Variants in TMEM272 observed in about 807,000 individuals in gnomAD.
TMEM272 encodes transmembrane protein 272, also known as long intergenic non-protein coding RNA 282.
TMEM272 carries 8 observed loss-of-function variants against 3.7 expected under a neutral mutation model. The ratio of observed to expected loss-of-function variants is 2.17; its 90% CI spans 1.27 to 3.91. The LOEUF (loss-of-function observed/expected upper bound fraction) is 3.91. TMEM272 is among the 30% of genes most tolerant of loss of function. The pLI, the probability that TMEM272 is intolerant of heterozygous loss-of-function variation, is 0.00. For missense variants in TMEM272, 166 were observed against 91.5 expected (o/e 1.81, Z -3.32); for synonymous variants, 63 against 39.8 (o/e 1.58, Z -2.20).
chr13:51,822,128 A>C lies in TMEM272; in HGVS notation c.128T>G (p.Phe43Cys), dbSNP rs1318469346. 2.0e-5 allele frequency: 14 copies of C among 698,474 alleles called. No homozygotes were observed. Among genetic ancestry groups the C allele is most frequent in the Non-Finnish European group, 3.1e-5 (12 of 383,826 alleles). The allele number at this position is 698,474 out of a possible 1,614,324, so 43.3% of individuals were successfully genotyped here. Residue 43 changes from phenylalanine to cysteine, a missense_variant, in exon 4 of 5, where the codon TTT (phenylalanine) becomes TGT (cysteine). By Grantham distance (205) the Phe-to-Cys change is radical (BLOSUM62 -2). Transcript: ENST00000629372. ...GGGCTGTATAGGGCAGTCCTCCAAAAATTTCATTCCTACATAGGGCAAACA... is the reference window on the plus strand; with the variant it reads ...GGGCTGTATAGGGCAGTCCTCCAAACATTTCATTCCTACATAGGGCAAACA... ...PLSMTFIGMK[F>C]LEDCPIQPLI...
chr13:51,863,858 C>G, the TMEM272 span, among the ~76,000 whole-genome samples: 3 of 152,282 alleles, frequency 2.0e-5, no homozygotes, highest in East Asian at 5.8e-4. Context: ...CTGGCAGCTT[C>G]CTCCAGAAAG....
the TMEM272 span, among the ~76,000 whole-genome samples, chr13:51,858,219 A>G: frequency 6.6e-6 from 1 of 152,236 alleles, no homozygotes; most frequent in Non-Finnish European, 1.5e-5. Flanking sequence ...TTTGAACAAC[A>G]TAGGTAAAGA....
chr13:51,903,942 C>CGTGTGTGTGTGTGT, the TMEM272 span, among the ~76,000 whole-genome samples: 18,228 of 136,496 alleles, frequency 0.13, 1,580 homozygotes, highest in East Asian at 0.4. Context: ...CAGTCTTCCA[C>CGTGTGTGTGTGTGT]GTGTGTGTGT....
At chr13:51,831,157 C>T (rs888011948) in intron 2 of TMEM272, among the ~76,000 whole-genome samples, 3 of 152,176 alleles carry the variant, frequency 2.0e-5, no homozygotes, top group Non-Finnish European at 2.9e-5. Context: ...CATGGTTGCT[C>T]ACACCTGTAT....
At chr13:51,855,853 T>C in the TMEM272 span, among the ~76,000 whole-genome samples, 2 of 152,174 alleles carry the variant, frequency 1.3e-5, no homozygotes, top group African/African-American at 4.8e-5. Context: ...TAAGACGACA[T>C]ATTTAAAGAA....
intron 1 of TMEM272, among the ~76,000 whole-genome samples, chr13:51,843,156 C>G (rs946990041): frequency 6.6e-6 from 1 of 152,078 alleles, no homozygotes; most frequent in African/African-American, 2.4e-5. Flanking sequence ...GATATTTTGC[C>G]AATTCTTTCT....
chr13:51,867,589 C>T, the TMEM272 span, among the ~76,000 whole-genome samples: 6 of 152,126 alleles, frequency 3.9e-5, no homozygotes, highest in Non-Finnish European at 7.4e-5. Flanking sequence ...GCCTCTGAGG[C>T]TTCAGAAGAT....
chr13:51,841,705 A>G (rs1956265328), intron 1 of TMEM272, among the ~76,000 whole-genome samples: 1 of 152,244 alleles, frequency 6.6e-6, no homozygotes, highest in South Asian at 2.1e-4. Flanking sequence ...TTTATTGATA[A>G]TATCAGACCA....
the TMEM272 span, among the ~76,000 whole-genome samples, chr13:51,929,770 G>T: frequency 1.3e-5 from 2 of 152,232 alleles, no homozygotes; most frequent in African/African-American, 4.8e-5. Context: ...GCTTCATCCC[G>T]TCTGTGGAAA....
At chr13:51,909,166 C>T in the TMEM272 span, 4 of 1,406,020 alleles carry the variant, frequency 2.8e-6, no homozygotes, top group Non-Finnish European at 3.0e-6. Context: ...TCTGTTTCAG[C>T]TAATTTTTGT....
At chr13:51,825,204 C>T (rs1011611788) in intron 3 of TMEM272, among the ~76,000 whole-genome samples, 4 of 152,170 alleles carry the variant, frequency 2.6e-5, no homozygotes, top group Non-Finnish European at 5.9e-5. Flanking sequence ...CACTAAATGG[C>T]CCCAGACTAC....
chr13:51,869,723 C>G, the TMEM272 span, among the ~76,000 whole-genome samples: 8 of 152,026 alleles, frequency 5.3e-5, no homozygotes, highest in Non-Finnish European at 1.2e-4. Context: ...CTCCTGACCT[C>G]GTGATCCGCC....
chr13:51,918,803 C>CTTTTTTTTT, the TMEM272 span, among the ~76,000 whole-genome samples: 11 of 81,044 alleles, frequency 1.4e-4, no homozygotes, highest in African/African-American at 2.0e-4. Context: ...TTTTGAAATT[C>CTTTTTTTTT]TTTTTTTTTT....
At chr13:51,874,174 G>T in the TMEM272 span, among the ~76,000 whole-genome samples, 1 of 152,232 alleles carries the variant, frequency 6.6e-6, no homozygotes, top group African/African-American at 2.4e-5. Context: ...ACACCCTGCT[G>T]CAGGGGCAAT....
At chr13:51,853,786 A>C in the TMEM272 span, among the ~76,000 whole-genome samples, 5 of 152,254 alleles carry the variant, frequency 3.3e-5, no homozygotes, top group Non-Finnish European at 7.3e-5. Context: ...TACACAGAAT[A>C]AAACCAATTG....
chr13:51,874,241 A>C, the TMEM272 span, among the ~76,000 whole-genome samples: 1 of 152,222 alleles, frequency 6.6e-6, no homozygotes, highest in Non-Finnish European at 1.5e-5. Flanking sequence ...TTGGCTGTGT[A>C]GTCACTTACC....
the TMEM272 span, among the ~76,000 whole-genome samples, chr13:51,870,009 C>T: frequency 4.6e-5 from 7 of 152,336 alleles, no homozygotes; most frequent in Admixed American, 4.6e-4. Flanking sequence ...AGAGGTCTAG[C>T]TTTGACCCTC....
the TMEM272 span, among the ~76,000 whole-genome samples, chr13:51,915,851 G>A: frequency 6.6e-6 from 1 of 152,144 alleles, no homozygotes; most frequent in Admixed American, 6.5e-5. Flanking sequence ...GAGGCAGGCG[G>A]GTCACGAGGT....
chr13:51,892,925 C>T, the TMEM272 span, among the ~76,000 whole-genome samples: 11 of 152,214 alleles, frequency 7.2e-5, no homozygotes, highest in African/African-American at 2.7e-4. Context: ...TAAATTCCGT[C>T]CACAAAACTC....
Sources: allele counts gnomAD v4.1 joint callset (sites outside exome capture counted in the v4.1 genomes callset), GRCh38; gene constraint gnomAD v4.1.1; transcripts MANE v1.5; gene names NCBI Gene and HGNC (gene_info 2026-07-23, HGNC 2026-07-21).